The following CAMKMT variants were observed in gnomAD, a reference collection of about 807,000 sequenced individuals.
CAMKMT encodes calmodulin-lysine N-methyltransferase, also known as CaM KMT.
CAMKMT carries 53 observed loss-of-function variants against 48.0 expected under a neutral mutation model. The observed-to-expected ratio is 1.10, with a 90% CI of 0.89 to 1.39. The LOEUF (loss-of-function observed/expected upper bound fraction) is 1.39, where lower values mean the gene tolerates loss of function less well. Among genes scored for constraint, CAMKMT ranks in the 40% most tolerant of loss-of-function variants. CAMKMT has a pLI of 0.00. For synonymous variants in CAMKMT, 165 were observed against 152.3 expected, an observed-to-expected ratio of 1.08 and a Z score of -0.61; for missense variants, 428 against 402.7, an observed-to-expected ratio of 1.06 and a Z score of -0.54.
chr2:44,512,898 A>G (rs1336270596), intron 3 of CAMKMT, among the ~76,000 whole-genome samples: 2 of 152,238 alleles, frequency 1.3e-5, no homozygotes, highest in African/African-American at 4.8e-5. Flanking sequence ...GCTTGGAATG[A>G]TATGATGTAT....
At chr2:44,666,660 G>A (rs1368625158) in intron 3 of CAMKMT, among the ~76,000 whole-genome samples, 1 of 148,020 alleles carries the variant, frequency 6.8e-6, no homozygotes, top group African/African-American at 2.6e-5. Flanking sequence ...CACCCAAGCT[G>A]GAATGCAGTG....
intron 7 of CAMKMT, among the ~76,000 whole-genome samples, chr2:44,737,098 T>C (rs1487873888): frequency 5.9e-5 from 9 of 152,174 alleles, no homozygotes; most frequent in Non-Finnish European, 1.3e-4. Flanking sequence ...GTTTTTATAT[T>C]TCTGTAAATG....
At chr2:44,421,525 A>G (rs1572834583) in intron 3 of CAMKMT, among the ~76,000 whole-genome samples, 1 of 152,190 alleles carries the variant, frequency 6.6e-6, no homozygotes, top group Non-Finnish European at 1.5e-5. Flanking sequence ...GCTACTCACA[A>G]TAACAGTACA....
chr2:44,593,942 T>C (rs571507959), intron 3 of CAMKMT, among the ~76,000 whole-genome samples: 3 of 151,980 alleles, frequency 2.0e-5, no homozygotes, highest in Non-Finnish European at 4.4e-5. Context: ...TTGGTATTTT[T>C]AGTAGGGATG....
chr2:44,560,184 C>A (rs1449975418), intron 3 of CAMKMT, among the ~76,000 whole-genome samples: 1 of 152,234 alleles, frequency 6.6e-6, no homozygotes, highest in Non-Finnish European at 1.5e-5. Context: ...CATCAACTGA[C>A]TTGGCCAGTT....
rs554639348 is a variant in CAMKMT, at chr2:44,586,205, T to C, written c.377-118078T>C. 2.0e-5 allele frequency among the ~76,000 whole-genome samples: 3 copies of C among 152,290 alleles called. No individual in the cohort carries two copies. The South Asian group carries it at 6.2e-4, about 32-fold the overall frequency. The stretch of plus-strand genomic sequence containing the variant: ...TTAGTTTAAGGGTTCCAAAATCTGA[T>C]AGGGTTTCAGGATCACTTGGATAGA... On this transcript the variant is annotated intron_variant, in intron 3 of 10. Coordinates refer to ENST00000378494, the MANE Select transcript of CAMKMT (RefSeq NM_024766.5).
chr2:44,650,921 A>G (rs1674023699), intron 3 of CAMKMT, among the ~76,000 whole-genome samples: 1 of 152,198 alleles, frequency 6.6e-6, no homozygotes, highest in Non-Finnish European at 1.5e-5. Context: ...ATAGACATGA[A>G]CAATTCATAC....
At chr2:44,375,177 T>TG (rs1286245499) in intron 2 of CAMKMT, among the ~76,000 whole-genome samples, 6 of 151,900 alleles carry the variant, frequency 3.9e-5, no homozygotes, top group African/African-American at 9.7e-5. Flanking sequence ...TTCTGTTTTT[T>TG]TTTTGTTTTG....
intron 3 of CAMKMT, among the ~76,000 whole-genome samples, chr2:44,453,908 G>A (rs1473133826): frequency 6.6e-6 from 1 of 151,952 alleles, no homozygotes; most frequent in Non-Finnish European, 1.5e-5. Context: ...AAAACAAGTA[G>A]TTTTAAGAAA....
chr2:44,547,671 G>C (rs1030456567), intron 3 of CAMKMT, among the ~76,000 whole-genome samples: 2 of 152,112 alleles, frequency 1.3e-5, no homozygotes, highest in African/African-American at 4.8e-5. Context: ...GGAATACCCA[G>C]GTTCAAATGC....
At chr2:44,728,602 G>T (rs1302284099) in intron 7 of CAMKMT, among the ~76,000 whole-genome samples, 1 of 152,020 alleles carries the variant, frequency 6.6e-6, no homozygotes, top group Non-Finnish European at 1.5e-5. Context: ...AGTTGATGTT[G>T]GTCTATGCAA....
chr2:44,469,028 G>T (rs1356752473), intron 3 of CAMKMT, among the ~76,000 whole-genome samples: 2 of 152,200 alleles, frequency 1.3e-5, no homozygotes, highest in African/African-American at 4.8e-5. Context: ...AGGCTAGGAA[G>T]AGTAGGGTGA....
intron 2 of CAMKMT, among the ~76,000 whole-genome samples, chr2:44,378,761 G>T (rs1679952415): frequency 6.6e-6 from 1 of 152,110 alleles, no homozygotes; most frequent in Non-Finnish European, 1.5e-5. Flanking sequence ...CAAAGTGCTG[G>T]TATTACAGGC....
At position 44,705,799 on chromosome 2, in the gene CAMKMT, T is replaced by A. The variant is rs191162218; in HGVS notation, c.438-488T>A. Among the ~76,000 whole-genome samples the A allele has an allele frequency of 6.8e-4, 104 of 152,304 alleles. 1 individual carries two copies. The Middle Eastern group carries it at 0.017, about 25-fold the overall frequency. On this transcript the variant is annotated intron_variant, in intron 4 of 10. Transcript: ENST00000378494. ...TTCAGTTTGTTTAAGAATTTTTTTT[T>A]AAAATTCAGGATTGCATCTATTTAT...
chr2:44,759,122 A>G (rs1680504993), intron 9 of CAMKMT, among the ~76,000 whole-genome samples: 2 of 152,316 alleles, frequency 1.3e-5, no homozygotes. Flanking sequence ...CTCATATTAT[A>G]AAAGCAATTT....
chr2:44,609,279 A>G (rs1190890477), intron 3 of CAMKMT, among the ~76,000 whole-genome samples: 2 of 152,234 alleles, frequency 1.3e-5, no homozygotes, highest in Admixed American at 6.5e-5. Context: ...TTCAAGAGAC[A>G]TACTGTACAG....
intron 3 of CAMKMT, among the ~76,000 whole-genome samples, chr2:44,512,477 A>G (rs7557758): frequency 0.028 from 4,332 of 152,306 alleles, 200 homozygotes; most frequent in African/African-American, 0.098. Flanking sequence ...ACTTTCATTT[A>G]TCTCATTTTG....
At chr2:44,692,038 G>A (rs1573090006) in intron 3 of CAMKMT, among the ~76,000 whole-genome samples, 1 of 152,102 alleles carries the variant, frequency 6.6e-6, no homozygotes, top group African/African-American at 2.4e-5. Context: ...AACATGTATT[G>A]TCCATATACA....
chr2:44,431,666 A>G (rs1174737532), intron 3 of CAMKMT, among the ~76,000 whole-genome samples: 1 of 152,138 alleles, frequency 6.6e-6, no homozygotes, highest in East Asian at 1.9e-4. Context: ...GTTTCCCACA[A>G]TAGGATTGTT....
Sources: gnomAD v4.1 joint callset for allele counts (sites outside exome capture counted in the v4.1 genomes callset) on GRCh38, gnomAD v4.1.1 for gene constraint, MANE v1.5 for transcripts, NCBI Gene and HGNC (gene_info 2026-07-23, HGNC 2026-07-21) for gene names.